The following FER1L5 variants were observed in gnomAD, a reference collection of about 807,000 sequenced individuals.
FER1L5 encodes the protein fer-1 like family member 5.
A neutral mutation model predicts 279.9 loss-of-function variants in FER1L5; 187 were observed. The observed-to-expected ratio is 0.67, with a 90% CI of 0.59 to 0.75. The LOEUF (loss-of-function observed/expected upper bound fraction) is 0.75. Ranked by LOEUF, FER1L5 falls within the 30% of genes least tolerant of loss-of-function variation. The pLI, the probability that FER1L5 is intolerant of heterozygous loss-of-function variation, is 0.00. For missense variants in FER1L5, 2,091 were observed against 2,594.4 expected, an observed-to-expected ratio of 0.81 and a Z score of 4.21; for synonymous variants, 921 against 989.7, an observed-to-expected ratio of 0.93 and a Z score of 1.30.
intron 23 of FER1L5, chr2:96,687,584 T>C: frequency 1.7e-6 from 1 of 571,990 alleles, no homozygotes; most frequent in Non-Finnish European, 3.1e-6. Flanking sequence ...CTACTCCCTC[T>C]GTGAGGCACT....
At chr2:96,662,402 ACC>A in intron 13 of FER1L5, 135 bp downstream of exon 13, 1 of 817,366 alleles carries the variant, frequency 1.2e-6, no homozygotes, top group Middle Eastern at 2.6e-4. Context: ...GCACCCCTGC[ACC>A]TGGAACTCTG....
At chr2:96,645,558 C>A (rs947092220) in intron 1 of FER1L5, among the ~76,000 whole-genome samples, 3 of 152,268 alleles carry the variant, frequency 2.0e-5, no homozygotes, top group South Asian at 2.1e-4. Flanking sequence ...GAGGCCGAGG[C>A]AGGCAGATCA....
chr2:96,684,578 T>C, intron 20 of FER1L5, 127 bp downstream of exon 20: 1 of 1,343,286 alleles, frequency 7.4e-7, no homozygotes, highest in Non-Finnish European at 1.0e-6. Flanking sequence ...TTCCACACTG[T>C]TGAGAAGAAT....
At chr2:96,659,503 TTCTTTC>T (rs2075858677) in intron 9 of FER1L5, among the ~76,000 whole-genome samples, 2 of 52,406 alleles carry the variant, frequency 3.8e-5, no homozygotes, top group Admixed American at 5.7e-4. Context: ...CTTTCTTTCT[TTCTTTC>T]GAGACAGAGT....
intron 20 of FER1L5, 65 bp from the exon 21 acceptor site, chr2:96,685,264 G>T (rs1321760947): frequency 7.0e-7 from 1 of 1,420,894 alleles, no homozygotes; most frequent in East Asian, 2.5e-5. Context: ...AATCAGCCCT[G>T]TGGCCTGTCC....
intron 14 of FER1L5, among the ~76,000 whole-genome samples, chr2:96,667,593 C>T (rs746569079): frequency 9.2e-5 from 14 of 152,004 alleles, no homozygotes; most frequent in Non-Finnish European, 1.5e-4. Flanking sequence ...GTGATCTGCC[C>T]GCCTCGGCCT....
At chr2:96,664,395 C>T (rs1295711600) in intron 14 of FER1L5, among the ~76,000 whole-genome samples, 4 of 152,156 alleles carry the variant, frequency 2.6e-5, no homozygotes, top group Admixed American at 1.3e-4. Context: ...TCTGTTACTA[C>T]GTATTAGCTT....
At position 96,698,098 on chromosome 2, in the gene FER1L5, C is replaced by G; in HGVS notation, c.4298C>G (p.Thr1433Ser). Residue 1433 changes from threonine to serine, a missense_variant, in exon 40 of 53, where the codon ACC becomes AGC. Coordinates refer to ENST00000624922, the MANE Select transcript of FER1L5 (RefSeq NM_001293083.2). This position sits in a 1 kb window ranked among gnomAD's most constrained non-coding sequence, Gnocchi z 5.5. ...AFQGLQDFCQ[T>S]FKLYQEQPKL... ...CAGGGCCTGCAGGACTTCTGCCAGA[C>G]CTTCAAACTCTACCAGGAGCAGCCC... 6.3e-7 allele frequency: 1 copy of G among 1,589,092 alleles called. No homozygotes were observed. Among genetic ancestry groups the G allele is most frequent in the Non-Finnish European group, 8.6e-7 (1 of 1,167,988 alleles).
At position 96,698,482 on chromosome 2, in the gene FER1L5, CCT is replaced by C. The variant is rs1212286363; in HGVS notation, c.4357-188_4357-187del. 1.8e-4 allele frequency among the ~76,000 whole-genome samples: 28 copies of C among 152,256 alleles called. No individual in the cohort carries two copies. Among genetic ancestry groups the C allele is most frequent in the Middle Eastern group, 3.4e-3 (1 of 294 alleles). ...CTGACTGCGGTTCCTTTGCCAACAC[CCT>C]GTTTCAACATAGTGGGCCCTGCTGA... On this transcript the variant is annotated intron_variant, in intron 40 of 52. Transcript: ENST00000624922. The surrounding 1 kb of genome is among the most constrained non-coding windows in gnomAD (Gnocchi z 5.5).
intron 1 of FER1L5, among the ~76,000 whole-genome samples, chr2:96,645,470 TG>T (rs890187091): frequency 2.6e-5 from 4 of 152,138 alleles, no homozygotes; most frequent in African/African-American, 9.7e-5. Flanking sequence ...CCCGCTTAGC[TG>T]CAAGACACTG....
intron 2 of FER1L5, among the ~76,000 whole-genome samples, 154 bp downstream of exon 2, chr2:96,646,607 C>T (rs1326329253): frequency 1.3e-5 from 2 of 152,180 alleles, no homozygotes; most frequent in African/African-American, 4.8e-5. Context: ...GGAGTAGCAG[C>T]CTCTGACCCG....
At chr2:96,651,279 C>CTT (rs1408987627) in intron 6 of FER1L5, among the ~76,000 whole-genome samples, 9 of 148,302 alleles carry the variant, frequency 6.1e-5, no homozygotes, top group Non-Finnish European at 1.2e-4. Flanking sequence ...TTCTTTCTTT[C>CTT]TTTCTTTCTT....
chr2:96,661,256 A>G (rs2075943602), intron 10 of FER1L5, 69 bp from the exon 11 acceptor site: 1 of 1,154,278 alleles, frequency 8.7e-7, no homozygotes, highest in African/African-American at 1.6e-5. Flanking sequence ...CTGCTAAAAC[A>G]AAGGCTGGTT....
rs974756553 is a variant in FER1L5, at chr2:96,694,630, G to A, written c.3741+166G>A. Reference sequence around the variant, plus strand: ...ACAGGAGAGAAACGAAGAGGTTCTGGTGTAACACTGGAAATCATTTTACCA... The same window carrying A: ...ACAGGAGAGAAACGAAGAGGTTCTGATGTAACACTGGAAATCATTTTACCA... On this transcript the variant is annotated intron_variant, in intron 34 of 52. Coordinates refer to ENST00000624922, the MANE Select transcript of FER1L5 (RefSeq NM_001293083.2). This position sits in a 1 kb window ranked among gnomAD's most constrained non-coding sequence, Gnocchi z 4.6. 15 of 524,460 alleles carry A rather than the reference G, an allele frequency of 2.9e-5. No homozygotes were observed. Among genetic ancestry groups the A allele is most frequent in the Admixed American group, 1.1e-4 (3 of 28,000 alleles). The allele number at this position is 524,460 out of a possible 1,614,324, so 32.5% of individuals were successfully genotyped here. A position where few individuals can be genotyped will look rare whatever the true frequency, so the allele number is the denominator to read the frequency against.
intron 19 of FER1L5, among the ~76,000 whole-genome samples, chr2:96,680,382 T>G (rs2076674745): frequency 6.6e-6 from 1 of 152,082 alleles, no homozygotes; most frequent in Non-Finnish European, 1.5e-5. Context: ...CTTTGAAAAT[T>G]ACCTCTTCCC....
intron 6 of FER1L5, among the ~76,000 whole-genome samples, chr2:96,651,240 T>TC (rs1558839939): frequency 4.1e-5 from 1 of 24,426 alleles, no homozygotes; most frequent in East Asian, 6.3e-4. Context: ...TTTCTTTCTC[T>TC]TTCTTTCTTT....
intron 19 of FER1L5, among the ~76,000 whole-genome samples, chr2:96,678,660 T>G (rs1020049306): frequency 6.6e-6 from 1 of 152,132 alleles, no homozygotes; most frequent in Non-Finnish European, 1.5e-5. Context: ...CTTGAACTCC[T>G]GGGCTCAAGC....
At chr2:96,684,885 C>A (rs982299715) in intron 20 of FER1L5, among the ~76,000 whole-genome samples, 1 of 152,000 alleles carries the variant, frequency 6.6e-6, no homozygotes, top group African/African-American at 2.4e-5. Context: ...TGCAAAGCCG[C>A]GGCAATGTGC....
chr2:96,700,417 T>G lies in FER1L5; in HGVS notation c.5016T>G (p.Pro1672=). 1 of 1,613,768 alleles carries G rather than the reference T, an allele frequency of 6.2e-7. No individual in the cohort carries two copies. Among genetic ancestry groups the G allele is most frequent in the Admixed American group, 1.7e-5 (1 of 60,008 alleles). Residue 1672 remains proline (P), a synonymous_variant, in exon 45 of 53, where the codon CCT becomes CCG. Transcript: ENST00000624922. ...LYLLHTQGLV[P]EHVETRTLYS... is the part of the protein sequence containing the mutation. The stretch of plus-strand genomic sequence containing the variant: ...TCCTGCACACCCAGGGGCTGGTACC[T>G]GAGCACGTGGAGACCCGCACACTGT...
Sources: allele counts gnomAD v4.1 joint callset (sites outside exome capture counted in the v4.1 genomes callset), GRCh38; gene constraint gnomAD v4.1.1; non-coding constraint Gnocchi (gnomAD v3.1); transcripts MANE v1.5; gene names NCBI Gene and HGNC (gene_info 2026-07-23, HGNC 2026-07-21).